The following ANKS1B variants were observed in gnomAD, a reference collection of about 807,000 sequenced individuals.
The protein encoded by ANKS1B is ankyrin repeat and sterile alpha motif domain-containing protein 1B.
A neutral mutation model predicts 148.3 loss-of-function variants in ANKS1B; 36 were observed. That is an observed-to-expected ratio of 0.24 (90% confidence interval 0.19 to 0.32). ANKS1B has a LOEUF of 0.32. Ranked by LOEUF, ANKS1B falls within the 10% of genes least tolerant of loss-of-function variation. The pLI is 1.00. For synonymous variants in ANKS1B, 542 were observed against 560.8 expected (o/e 0.97, Z 0.47); for missense variants, 1,157 against 1,542.6 (o/e 0.75, Z 4.19).
At chr12:99,980,968 T>A (rs1240391033) in intron 1 of ANKS1B, among the ~76,000 whole-genome samples, 1 of 152,008 alleles carries the variant, frequency 6.6e-6, no homozygotes, top group African/African-American at 2.4e-5. Flanking sequence ...GTAAGAAATG[T>A]TACAGAGAAA....
At chr12:98,768,009 A>G (rs1321147068) in intron 25 of ANKS1B, among the ~76,000 whole-genome samples, 1 of 152,182 alleles carries the variant, frequency 6.6e-6, no homozygotes, top group Non-Finnish European at 1.5e-5. Context: ...CACAACTCCT[A>G]GTCTCATAAC....
intron 17 of ANKS1B, among the ~76,000 whole-genome samples, chr12:98,900,975 A>G (rs972778426): frequency 4.6e-5 from 7 of 152,200 alleles, no homozygotes; most frequent in African/African-American, 1.7e-4. Context: ...TGGCCTAGGC[A>G]GTTCTCTTTT....
chr12:98,744,298 T>C lies in ANKS1B; in HGVS notation c.*1441A>G, dbSNP rs2097836062. On this transcript the variant is annotated 3_prime_UTR_variant, in exon 27 of 27. Coordinates refer to ENST00000683438, the MANE Select transcript of ANKS1B (RefSeq NM_001352186.2). Reference sequence around the variant, plus strand: ...ATACATTTGTTAGTTTGAAATAAAATGTAGTTATTCTTCAAAACTCACCAA... The same window carrying C: ...ATACATTTGTTAGTTTGAAATAAAACGTAGTTATTCTTCAAAACTCACCAA... 1 of 935,448 alleles carries C rather than the reference T, an allele frequency of 1.1e-6. No individual in the cohort carries two copies. Among genetic ancestry groups the C allele is most frequent in the African/African-American group, 1.8e-5 (1 of 56,058 alleles). 57.9% of individuals were successfully genotyped at this position (935,448 alleles called of 1,614,324 possible).
At chr12:99,032,776 G>GCTTAA (rs1405875250) in intron 17 of ANKS1B, among the ~76,000 whole-genome samples, 20 of 152,224 alleles carry the variant, frequency 1.3e-4, no homozygotes, top group Non-Finnish European at 2.6e-4. Context: ...GCTGTGTGAG[G>GCTTAA]AAACATTTAT....
At chr12:99,453,980 T>C (rs979704050) in intron 10 of ANKS1B, among the ~76,000 whole-genome samples, 1 of 152,120 alleles carries the variant, frequency 6.6e-6, no homozygotes, top group African/African-American at 2.4e-5. Context: ...AAAAATGTAA[T>C]AGCCTTGAGG....
intron 8 of ANKS1B, among the ~76,000 whole-genome samples, chr12:99,666,857 G>T (rs1017754151): frequency 7.5e-6 from 1 of 132,536 alleles, no homozygotes; most frequent in Admixed American, 7.5e-5. Flanking sequence ...GTTACTATGG[G>T]GTGTGTGTGT....
intron 15 of ANKS1B, among the ~76,000 whole-genome samples, chr12:99,097,880 T>A (rs973153223): frequency 6.6e-6 from 1 of 152,200 alleles, no homozygotes; most frequent in African/African-American, 2.4e-5. Context: ...ACTCATACAC[T>A]CCTATTGCCT....
intron 1 of ANKS1B, among the ~76,000 whole-genome samples, chr12:99,854,203 G>A (rs1029069132): frequency 4.6e-5 from 7 of 152,020 alleles, no homozygotes; most frequent in Non-Finnish European, 1.0e-4. Flanking sequence ...TAGTAGAGAC[G>A]GGGTTTCACT....
chr12:99,011,011 G>T (rs1466522129), intron 17 of ANKS1B, among the ~76,000 whole-genome samples: 2 of 151,138 alleles, frequency 1.3e-5, no homozygotes, highest in East Asian at 3.9e-4. Flanking sequence ...TCAAAGAGCT[G>T]GGATTACAGG....
intron 11 of ANKS1B, among the ~76,000 whole-genome samples, chr12:99,403,181 G>A (rs1335277550): frequency 3.7e-5 from 3 of 80,296 alleles, no homozygotes; most frequent in East Asian, 3.9e-4. Flanking sequence ...TTTTTTTTGA[G>A]ACGGAGTCTC....
intron 8 of ANKS1B, among the ~76,000 whole-genome samples, chr12:99,680,622 G>A (rs899371049): frequency 5.9e-5 from 9 of 152,136 alleles, no homozygotes; most frequent in African/African-American, 2.2e-4. Flanking sequence ...ATTTTCCTGG[G>A]CAGAATCGGG....
chr12:98,942,448 A>G (rs1597327248), intron 17 of ANKS1B, among the ~76,000 whole-genome samples: 1 of 152,166 alleles, frequency 6.6e-6, no homozygotes, highest in African/African-American at 2.4e-5. Context: ...GCCACTTGAC[A>G]AAGGCAGTGC....
At chr12:98,978,966 A>AC (rs2153225900) in intron 17 of ANKS1B, among the ~76,000 whole-genome samples, 1 of 151,810 alleles carries the variant, frequency 6.6e-6, no homozygotes, top group South Asian at 2.1e-4. Flanking sequence ...ACACGGTGAA[A>AC]CCCATCTCTA....
chr12:99,396,209 A>C (rs932250778), intron 12 of ANKS1B, among the ~76,000 whole-genome samples: 1 of 152,172 alleles, frequency 6.6e-6, no homozygotes, highest in Non-Finnish European at 1.5e-5. Flanking sequence ...TCAGAGGAGC[A>C]AATTAAATGT....
chr12:99,891,419 TA>T (rs1175007950), intron 1 of ANKS1B, among the ~76,000 whole-genome samples: 1 of 152,172 alleles, frequency 6.6e-6, no homozygotes, highest in Non-Finnish European at 1.5e-5. Context: ...AGAGTCTTGC[TA>T]TGTTGCCCAG....
chr12:99,392,242 C>T (rs529312422), intron 12 of ANKS1B, among the ~76,000 whole-genome samples: 81 of 152,342 alleles, frequency 5.3e-4, no homozygotes, highest in African/African-American at 1.9e-3. Context: ...TTCAGGAGGT[C>T]TATTTCCAGG....
chr12:99,653,379 A>T (rs1348573445), intron 9 of ANKS1B, among the ~76,000 whole-genome samples: 1 of 152,216 alleles, frequency 6.6e-6, no homozygotes, highest in African/African-American at 2.4e-5. Context: ...TTACAAATGC[A>T]GTTTTATGAG....
intron 9 of ANKS1B, among the ~76,000 whole-genome samples, chr12:99,539,514 A>T (rs2097105100): frequency 6.6e-6 from 1 of 152,222 alleles, no homozygotes; most frequent in South Asian, 2.1e-4. Flanking sequence ...AACATAAAGG[A>T]AATTAAAAGA....
At chr12:99,682,617 G>C (rs553900366) in intron 8 of ANKS1B, among the ~76,000 whole-genome samples, 1 of 152,082 alleles carries the variant, frequency 6.6e-6, no homozygotes, top group Non-Finnish European at 1.5e-5. Flanking sequence ...GTGCTAAAAG[G>C]AAAGTTCATA....
Sources: allele counts gnomAD v4.1 joint callset (sites outside exome capture counted in the v4.1 genomes callset), GRCh38; gene constraint gnomAD v4.1.1; transcripts MANE v1.5; gene names NCBI Gene and HGNC (gene_info 2026-07-23, HGNC 2026-07-21).